The following ABHD17B variants were observed in gnomAD, a reference collection of about 807,000 sequenced individuals.
The protein encoded by ABHD17B is abhydrolase domain containing 17B, depalmitoylase.
Under a neutral mutation model 26.2 loss-of-function variants are expected in ABHD17B, and 9 were observed. The ratio of observed to expected loss-of-function variants is 0.34; its 90% confidence interval spans 0.21 to 0.60. The LOEUF is 0.60. Among genes scored for constraint, ABHD17B ranks in the 20% least tolerant of loss-of-function variants. ABHD17B has a pLI of 0.80. For missense variants in ABHD17B, 224 were observed against 352.1 expected, an observed-to-expected ratio of 0.64 and a Z score of 2.91; for synonymous variants, 127 against 122.3, an observed-to-expected ratio of 1.04 and a Z score of -0.25.
intron 2 of ABHD17B, among the ~76,000 whole-genome samples, chr9:71,872,246 G>A (rs542336133): frequency 9.6e-4 from 146 of 152,142 alleles, no homozygotes; most frequent in Middle Eastern, 3.4e-3. Flanking sequence ...GTTTCAACAC[G>A]AAAGAAAACA....
At chr9:71,882,894 C>T (rs1477264654) in intron 1 of ABHD17B, among the ~76,000 whole-genome samples, 1 of 151,832 alleles carries the variant, frequency 6.6e-6, no homozygotes, top group Non-Finnish European at 1.5e-5. Context: ...ACCAGTAATC[C>T]CAGCACTTTG....
downstream of ABHD17B, among the ~76,000 whole-genome samples, chr9:71,863,086 A>T (rs1339939652): frequency 6.6e-6 from 1 of 152,178 alleles, no homozygotes; most frequent in African/African-American, 2.4e-5. Flanking sequence ...AAAAGTATGA[A>T]GATGACAAAC....
rs144051887 is a variant in ABHD17B at position 71,870,028 on chromosome 9, A to G, written c.647+55T>C. ...AACTGTGTCATGAATACTTTAAATG[A>G]TGAAAAAATTCCCAAGTTTCTTGGA... On this transcript the variant is annotated intron_variant, in intron 3 of 3. Transcript: ENST00000333421. 43 of 1,483,780 alleles carry G rather than the reference A, an allele frequency of 2.9e-5. No homozygotes were observed. In the African/African-American group the frequency reaches 3.5e-4, roughly 12 times the overall value. The allele number at this position is 1,483,780 out of a possible 1,614,324, so 91.9% of individuals were successfully genotyped here.
At position 71,881,586 on chromosome 9, in the gene ABHD17B, T is replaced by C. The variant is rs375628686; in HGVS notation, c.-3-6503A>G. On this transcript the variant is annotated intron_variant, in intron 1 of 3. Coordinates refer to ENST00000333421, the MANE Select transcript of ABHD17B (RefSeq NM_001025780.3). Reference sequence around the variant, plus strand: ...GAGAAAATACAAATAACCTTTACAATTCAACAATTTTAAAAGGACAGCTGG... The same window carrying C: ...GAGAAAATACAAATAACCTTTACAACTCAACAATTTTAAAAGGACAGCTGG... Among the ~76,000 whole-genome samples, 143 of 152,204 alleles carry C rather than the reference T, an allele frequency of 9.4e-4. 1 individual carries two copies. The highest frequency in any genetic ancestry group is 2.7e-3 in the African/African-American group (113 of 41,528).
chr9:71,882,214 T>A (rs962756318), intron 1 of ABHD17B, among the ~76,000 whole-genome samples: 26 of 152,154 alleles, frequency 1.7e-4, no homozygotes, highest in African/African-American at 5.8e-4. Flanking sequence ...CTCAAAAACT[T>A]AAAGAGTTGC....
intron 1 of ABHD17B, among the ~76,000 whole-genome samples, chr9:71,878,075 CAAAT>C (rs1723607000): frequency 6.6e-6 from 1 of 150,650 alleles, no homozygotes; most frequent in South Asian, 2.1e-4. Flanking sequence ...ATAAACAAAA[CAAAT>C]AAATCTAGGT....
At chr9:71,893,691 G>GA (rs1589226494) in intron 1 of ABHD17B, among the ~76,000 whole-genome samples, 1 of 152,196 alleles carries the variant, frequency 6.6e-6, no homozygotes, top group East Asian at 1.9e-4. Flanking sequence ...TAACAGGCAG[G>GA]ACTGTAAATC....
intron 1 of ABHD17B, among the ~76,000 whole-genome samples, chr9:71,902,098 A>C (rs1419804962): frequency 6.6e-6 from 1 of 152,024 alleles, no homozygotes; most frequent in Non-Finnish European, 1.5e-5. Flanking sequence ...TGTTGATAAA[A>C]TCTCCCCAAC....
chr9:71,872,627 A>G (rs919672133), intron 2 of ABHD17B, among the ~76,000 whole-genome samples: 5 of 152,170 alleles, frequency 3.3e-5, no homozygotes, highest in East Asian at 3.8e-4. Flanking sequence ...TTAACCTTTA[A>G]AAGTGTGAAC....
chr9:71,871,387 G>A (rs915275681), intron 2 of ABHD17B, among the ~76,000 whole-genome samples: 7 of 152,098 alleles, frequency 4.6e-5, no homozygotes, highest in Non-Finnish European at 7.4e-5. Flanking sequence ...CAGAAAGTGG[G>A]GCTCTGTCTA....
chr9:71,870,173 G>C lies in ABHD17B; in HGVS notation c.557C>G (p.Ala186Gly). 6.2e-7 allele frequency: 1 copy of C among 1,614,022 alleles called. No individual in the cohort carries two copies. The highest frequency in any genetic ancestry group is 8.5e-7 in the Non-Finnish European group (1 of 1,179,934). Residue 186 changes from alanine to glycine, a missense_variant, in exon 3 of 4, where the codon GCT becomes GGT. Transcript: ENST00000333421. Reference protein sequence around the residue: ...SVDLAARYESAAVILHSPLTS... With the variant: ...SVDLAARYESGAVILHSPLTS... ...CAGAGGAGAATGAAGAATAACAGCA[G>C]CACTCTCATATCGAGCAGCAAGATC...
At chr9:71,907,211 G>C (rs1827310487) in intron 1 of ABHD17B, among the ~76,000 whole-genome samples, 1 of 152,124 alleles carries the variant, frequency 6.6e-6, no homozygotes, top group Admixed American at 6.5e-5. Flanking sequence ...TTATATAACA[G>C]AGCACATACC....
chr9:71,889,146 C>A (rs1485453665), intron 1 of ABHD17B, among the ~76,000 whole-genome samples: 1 of 151,688 alleles, frequency 6.6e-6, no homozygotes, highest in Non-Finnish European at 1.5e-5. Flanking sequence ...GAAACTCCAT[C>A]TCTACCAAAA....
chr9:71,867,499 G>A (rs1825990573), intron 3 of ABHD17B, among the ~76,000 whole-genome samples: 2 of 152,094 alleles, frequency 1.3e-5, no homozygotes, highest in East Asian at 1.9e-4. Context: ...TGTTGGAGCT[G>A]GAAAGAAGAT....
intron 3 of ABHD17B, among the ~76,000 whole-genome samples, chr9:71,867,957 G>A (rs1261538580): frequency 6.6e-6 from 1 of 151,436 alleles, no homozygotes; most frequent in Admixed American, 6.6e-5. Context: ...CTGTAATCTC[G>A]GCACTTTGGG....
At chr9:71,865,011 G>C, downstream of ABHD17B, 1 of 258,256 alleles carries the variant, frequency 3.9e-6, no homozygotes, top group Non-Finnish European at 6.1e-6. Flanking sequence ...AGACAATCTT[G>C]AGAAAGAAAG....
chr9:71,890,299 C>A (rs1369797310), intron 1 of ABHD17B, among the ~76,000 whole-genome samples: 1 of 151,860 alleles, frequency 6.6e-6, no homozygotes, highest in African/African-American at 2.4e-5. Context: ...CACAGACACA[C>A]ACACACACGA....
In ABHD17B at chr9:71,866,783, T is replaced by C. The variant is rs1222330330; in HGVS notation, c.*4A>G. 10 of 1,613,840 alleles carry C rather than the reference T, an allele frequency of 6.2e-6. No individual in the cohort carries two copies. Among genetic ancestry groups the C allele is most frequent in the Non-Finnish European group, 8.5e-6 (10 of 1,179,908 alleles). On this transcript the variant is annotated 3_prime_UTR_variant, in exon 4 of 4. Coordinates refer to ENST00000333421, the MANE Select transcript of ABHD17B (RefSeq NM_001025780.3). ...AAAACCCAGTAGCAAATTTACAGAA[T>C]ATTTTACAAATTTACCAGTTCCTGT...
Position 71,910,949 on chromosome 9 carries a change from C to A in ABHD17B, c.-319G>T. 1 of 153,132 alleles carries A rather than the reference C, an allele frequency of 6.5e-6. No individual in the cohort carries two copies. The highest frequency in any genetic ancestry group is 1.9e-4 in the South Asian group (1 of 5,384). 9.5% of individuals were successfully genotyped at this position (153,132 alleles called of 1,614,324 possible). On this transcript the variant is annotated 5_prime_UTR_variant, in exon 1 of 4. Coordinates refer to ENST00000333421, the MANE Select transcript of ABHD17B (RefSeq NM_001025780.3). ...GGGCGCTGGAGCGGCCGCCGCTGCCCGTCGGTTGCTCTCGGGCCTCACGTC... is the reference window on the plus strand; with the variant it reads ...GGGCGCTGGAGCGGCCGCCGCTGCCAGTCGGTTGCTCTCGGGCCTCACGTC...
Sources: allele counts gnomAD v4.1 joint callset (sites outside exome capture counted in the v4.1 genomes callset), GRCh38; gene constraint gnomAD v4.1.1; transcripts MANE v1.5; gene names NCBI Gene and HGNC (gene_info 2026-07-23, HGNC 2026-07-21).